Variants in RGS8 observed in about 807,000 individuals in gnomAD.
The protein encoded by RGS8 is regulator of G-protein signaling 8.
In RGS8, 8 loss-of-function variants were observed where a neutral mutation model predicts 21.7. The ratio of observed to expected loss-of-function variants is 0.37; its 90% confidence interval spans 0.22 to 0.66. The LOEUF is 0.66. Among genes scored for constraint, RGS8 ranks in the 30% least tolerant of loss-of-function variants. RGS8 has a pLI of 0.59. For synonymous variants in RGS8, 80 were observed against 83.6 expected (o/e 0.96, Z 0.24); for missense variants, 157 against 217.9 (o/e 0.72, Z 1.76).
chr1:182,719,673 C>T, the RGS8 span, among the ~76,000 whole-genome samples: 57 of 151,770 alleles, frequency 3.8e-4, no homozygotes, highest in African/African-American at 1.2e-3. Context: ...CAATGATCCT[C>T]CTGCCTTGGC....
chr1:182,668,775 T>C (rs1471164853), intron 3 of RGS8, among the ~76,000 whole-genome samples: 3 of 152,252 alleles, frequency 2.0e-5, no homozygotes, highest in Non-Finnish European at 2.9e-5. Flanking sequence ...GGGCATCTTA[T>C]GTGTCTACTC....
the RGS8 span, among the ~76,000 whole-genome samples, chr1:182,720,953 A>G: frequency 3.9e-5 from 3 of 76,242 alleles, no homozygotes; most frequent in South Asian, 1.3e-3. Context: ...ATACATATAT[A>G]CATACATATG....
At chr1:182,665,349 AC>A (rs555083308) in intron 5 of RGS8, among the ~76,000 whole-genome samples, 155 of 152,312 alleles carry the variant, frequency 1.0e-3, no homozygotes, top group African/African-American at 3.6e-3. Context: ...AATATGCACA[AC>A]TATTTCTGCC....
intron 5 of RGS8, among the ~76,000 whole-genome samples, chr1:182,658,065 A>T (rs1203582401): frequency 6.6e-6 from 1 of 152,236 alleles, no homozygotes; most frequent in Non-Finnish European, 1.5e-5. Context: ...TTTGAGATTG[A>T]TACACATCTA....
the RGS8 span, among the ~76,000 whole-genome samples, chr1:182,698,543 C>A: frequency 1.3e-5 from 2 of 152,280 alleles, no homozygotes; most frequent in East Asian, 1.9e-4. Context: ...GAAGAGTCTC[C>A]TTTCTCTGGA....
chr1:182,716,453 A>G, the RGS8 span, among the ~76,000 whole-genome samples: 1 of 150,522 alleles, frequency 6.6e-6, no homozygotes, highest in Admixed American at 6.6e-5. Context: ...TATTTTCATT[A>G]TTGTATTGCT....
chr1:182,683,260 T>A (rs980124076), intron 1 of RGS8, among the ~76,000 whole-genome samples: 1 of 152,214 alleles, frequency 6.6e-6, no homozygotes, highest in African/African-American at 2.4e-5. Context: ...CACAGGACTC[T>A]CATTCTCAAA....
At chr1:182,664,674 A>C (rs552852764) in intron 5 of RGS8, among the ~76,000 whole-genome samples, 1 of 152,178 alleles carries the variant, frequency 6.6e-6, no homozygotes, top group Non-Finnish European at 1.5e-5. Context: ...TTCATCACAT[A>C]AGCTTGCTGT....
chr1:182,750,216 C>A, the RGS8 span, among the ~76,000 whole-genome samples: 2 of 152,134 alleles, frequency 1.3e-5, no homozygotes, highest in South Asian at 2.1e-4. Flanking sequence ...TTTTACTCTA[C>A]AAAACTGGAA....
the RGS8 span, among the ~76,000 whole-genome samples, chr1:182,735,815 T>C: frequency 0.022 from 3,418 of 152,340 alleles, 128 homozygotes; most frequent in African/African-American, 0.078. Flanking sequence ...TGATTGATCC[T>C]GATCAGCAGG....
chr1:182,741,763 C>G, the RGS8 span, among the ~76,000 whole-genome samples: 1 of 107,196 alleles, frequency 9.3e-6, no homozygotes, highest in Admixed American at 8.8e-5. Context: ...CTGACCCCCC[C>G]ACCTCCCTCC....
upstream of RGS8, among the ~76,000 whole-genome samples, chr1:182,675,634 G>A (rs150900747): frequency 0.016 from 2,378 of 152,092 alleles, 43 homozygotes; most frequent in Admixed American, 0.038. Flanking sequence ...CCTTCTGCCC[G>A]GAATGTCCCC....
At chr1:182,722,103 T>C in the RGS8 span, among the ~76,000 whole-genome samples, 1 of 152,138 alleles carries the variant, frequency 6.6e-6, no homozygotes, top group Non-Finnish European at 1.5e-5. Flanking sequence ...TTGGGACGTA[T>C]TATATCTTAG....
the RGS8 span, among the ~76,000 whole-genome samples, chr1:182,719,386 C>A: frequency 6.6e-6 from 1 of 151,670 alleles, no homozygotes; most frequent in Non-Finnish European, 1.5e-5. Context: ...AAATAGGATG[C>A]CTAAAAAGTA....
the RGS8 span, among the ~76,000 whole-genome samples, chr1:182,725,892 G>A: frequency 6.6e-6 from 1 of 152,158 alleles, no homozygotes; most frequent in African/African-American, 2.4e-5. Context: ...GTCACAAAAT[G>A]TTAATGTTAA....
downstream of RGS8, chr1:182,645,558 C>T (rs2102402523): frequency 6.6e-6 from 1 of 152,350 alleles, no homozygotes; most frequent in East Asian, 1.9e-4. Context: ...CAGATGTTCA[C>T]AGTGATCTTC....
the RGS8 span, among the ~76,000 whole-genome samples, chr1:182,727,448 T>A: frequency 6.6e-6 from 1 of 152,212 alleles, no homozygotes; most frequent in Non-Finnish European, 1.5e-5. Flanking sequence ...GATTTGGAGT[T>A]TTTCTCTTCG....
chr1:182,664,971 A>G (rs1355857063), intron 5 of RGS8, among the ~76,000 whole-genome samples: 4 of 152,220 alleles, frequency 2.6e-5, no homozygotes, highest in Non-Finnish European at 5.9e-5. Context: ...CCACCCAACT[A>G]CTTAGTAACA....
chr1:182,647,525 T>C (rs2102405129), intron 6 of RGS8, among the ~76,000 whole-genome samples: 1 of 152,180 alleles, frequency 6.6e-6, no homozygotes, highest in South Asian at 2.1e-4. Flanking sequence ...ATTTAAACCC[T>C]CCCCTCCCAA....
Sources: allele counts gnomAD v4.1 joint callset (sites outside exome capture counted in the v4.1 genomes callset), GRCh38; gene constraint gnomAD v4.1.1; transcripts MANE v1.5; gene names NCBI Gene and HGNC (gene_info 2026-07-23, HGNC 2026-07-21).